Variants in PARD3B observed in about 807,000 individuals in gnomAD.
The protein encoded by PARD3B is partitioning defective 3 homolog B.
In PARD3B, 103 loss-of-function variants were observed where a neutral mutation model predicts 130.2. That is an observed-to-expected ratio of 0.79 (90% CI 0.67 to 0.93). PARD3B has a LOEUF of 0.93. PARD3B is among the 40% of genes least tolerant of loss of function. The probability of loss-of-function intolerance (pLI) is 0.00; values close to 1 mark genes in which losing one functional copy is unlikely to be tolerated. For synonymous variants in PARD3B, 583 were observed against 553.2 expected (o/e 1.05, Z -0.76); for missense variants, 1,609 against 1,499.2 (o/e 1.07, Z -1.21).
At chr2:204,622,663 T>A (rs2034347222) in intron 1 of PARD3B, among the ~76,000 whole-genome samples, 1 of 152,084 alleles carries the variant, frequency 6.6e-6, no homozygotes, top group Non-Finnish European at 1.5e-5. Context: ...ATTGCTATTA[T>A]TATTTTTATG....
At chr2:205,523,681 TATATTTTTAAA>T (rs2051196868) in intron 21 of PARD3B, among the ~76,000 whole-genome samples, 1 of 152,086 alleles carries the variant, frequency 6.6e-6, no homozygotes, top group Non-Finnish European at 1.5e-5. Flanking sequence ...AAAGAAGGTG[TATATTTTTAAA>T]ATATTTTTAA....
In PARD3B at chr2:205,604,047, G is replaced by A. The variant is rs552426706; in HGVS notation, c.3261-11409G>A. 2.0e-5 allele frequency among the ~76,000 whole-genome samples: 3 copies of A among 152,266 alleles called. No individual in the cohort carries two copies. In the East Asian group the frequency reaches 5.8e-4, roughly 29 times the overall value. ...GCTCTTGCAAGGCAGGCTTGCTGGT[G>A]ACAAATTCCCTCAGCATTTGCTTGT... is the stretch of plus-strand genomic sequence containing the variant. On this transcript the variant is annotated intron_variant, in intron 22 of 22. Transcript: ENST00000406610.
chr2:205,525,049 G>A lies in PARD3B; in HGVS notation c.3180+25018G>A, dbSNP rs2051274781. On this transcript the variant is annotated intron_variant, in intron 21 of 22. Transcript: ENST00000406610. The surrounding 1 kb of genome is among the most constrained non-coding windows in gnomAD (Gnocchi z 4.2). ...CCAGAATAAGAGATTTCTTAGTGAT[G>A]AACCATGGCAAGAACCAGGACAGTT... Among the ~76,000 whole-genome samples the A allele has an allele frequency of 6.6e-6, 1 of 152,182 alleles. No individual in the cohort carries two copies. The highest frequency in any genetic ancestry group is 2.4e-5 in the African/African-American group (1 of 41,456).
chr2:204,820,415 T>C (rs1287598933), intron 2 of PARD3B, among the ~76,000 whole-genome samples: 1 of 151,770 alleles, frequency 6.6e-6, no homozygotes, highest in Non-Finnish European at 1.5e-5. Context: ...CAGCTCTCTA[T>C]TGGAGGAAGA....
rs577423868 is a variant in PARD3B at position 204,787,289 on chromosome 2, C to T, written c.222+101007C>T. 9.2e-5 allele frequency among the ~76,000 whole-genome samples: 14 copies of T among 152,142 alleles called. 1 individual carries two copies. The highest frequency in any genetic ancestry group is 3.4e-3 in the Middle Eastern group (1 of 294). ...TATTCTGTTTCATGGTTTATCCTAC[C>T]CCTCACCTGTTAGAGACCCCTCAAC... On this transcript the variant is annotated intron_variant, in intron 2 of 22. Coordinates refer to ENST00000406610, the MANE Select transcript of PARD3B (RefSeq NM_001302769.2).
chr2:204,572,759 A>G (rs1016785585), intron 1 of PARD3B, among the ~76,000 whole-genome samples: 3 of 152,220 alleles, frequency 2.0e-5, no homozygotes, highest in Admixed American at 6.5e-5. Context: ...TCATTTATGT[A>G]GCCAGCATTC....
intron 7 of PARD3B, among the ~76,000 whole-genome samples, chr2:205,120,489 T>G (rs957733947): frequency 6.6e-6 from 1 of 152,102 alleles, no homozygotes; most frequent in African/African-American, 2.4e-5. Flanking sequence ...GGGATTATGA[T>G]TAGTTATTAT....
At chr2:204,847,170 C>CTTTTTTTTTTTTTTTTTTTTTTTTTTT (rs528059401) in intron 2 of PARD3B, among the ~76,000 whole-genome samples, 1 of 135,670 alleles carries the variant, frequency 7.4e-6, no homozygotes, top group African/African-American at 2.9e-5. Flanking sequence ...AACTTTCTTT[C>CTTTTTTTTTTTTTTTTTTTTTTTTTTT]TTTTTTTTTT....
At chr2:205,479,632 G>A (rs1559132816) in intron 20 of PARD3B, among the ~76,000 whole-genome samples, 1 of 152,190 alleles carries the variant, frequency 6.6e-6, no homozygotes, top group African/African-American at 2.4e-5. Context: ...ACCTAGGCCA[G>A]TCTACCATCA....
In PARD3B at chr2:205,263,542, G is replaced by A. The variant is rs2040396431; in HGVS notation, c.2185+17720G>A. On this transcript the variant is annotated intron_variant, in intron 16 of 22. Transcript: ENST00000406610. The surrounding 1 kb of genome is among the most constrained non-coding windows in gnomAD (Gnocchi z 4.0). ...AAAAAGAAAAGAAAAAATAACCTCCGTCTATACCTTACACCATATAAGAAG... is the reference window on the plus strand; with the variant it reads ...AAAAAGAAAAGAAAAAATAACCTCCATCTATACCTTACACCATATAAGAAG... Among the ~76,000 whole-genome samples, 1 of 150,836 alleles carries A rather than the reference G, an allele frequency of 6.6e-6. No homozygotes were observed. The highest frequency in any genetic ancestry group is 1.5e-5 in the Non-Finnish European group (1 of 67,594).
chr2:205,277,181 T>G (rs1423928603), intron 16 of PARD3B, among the ~76,000 whole-genome samples: 2 of 152,230 alleles, frequency 1.3e-5, no homozygotes, highest in Admixed American at 1.3e-4. Context: ...TGACCGTGAC[T>G]TCATCACTGC....
intron 4 of PARD3B, among the ~76,000 whole-genome samples, chr2:205,074,953 A>G (rs1216800605): frequency 1.3e-5 from 2 of 152,240 alleles, no homozygotes; most frequent in Admixed American, 1.3e-4. Context: ...TTTCCAAATT[A>G]TAATTGTTAA....
At chr2:204,708,187 T>A (rs2038269691) in intron 2 of PARD3B, among the ~76,000 whole-genome samples, 1 of 152,168 alleles carries the variant, frequency 6.6e-6, no homozygotes, top group African/African-American at 2.4e-5. Context: ...TTTTTAATTT[T>A]TTTGTAGAGA....
intron 4 of PARD3B, among the ~76,000 whole-genome samples, chr2:205,054,438 T>TTATATATATATA: frequency 2.5e-5 from 1 of 40,128 alleles, no homozygotes; most frequent in African/African-American, 1.1e-4. Context: ...ATATATATAT[T>TTATATATATATA]TTTTTTTTTT....
At chr2:204,792,328 C>T (rs1228081348) in intron 2 of PARD3B, among the ~76,000 whole-genome samples, 1 of 151,998 alleles carries the variant, frequency 6.6e-6, no homozygotes, top group Non-Finnish European at 1.5e-5. Context: ...AAATATTATC[C>T]CTTTGAACCT....
At chr2:204,973,519 T>A (rs2125183966) in intron 3 of PARD3B, among the ~76,000 whole-genome samples, 1 of 151,588 alleles carries the variant, frequency 6.6e-6, no homozygotes, top group East Asian at 1.9e-4. Flanking sequence ...TTTTTTTCTC[T>A]CTGAGTGTGT....
chr2:205,546,402 C>T (rs1344997664), intron 21 of PARD3B, among the ~76,000 whole-genome samples: 3 of 150,672 alleles, frequency 2.0e-5, no homozygotes, highest in Non-Finnish European at 3.0e-5. Context: ...TAGGTCACTA[C>T]ATTAAAAAGA....
In PARD3B at chr2:205,397,965, AAGTCTTGAATGTATC is replaced by A. The variant is rs1295513155; in HGVS notation, c.2631-3045_2631-3031del. On this transcript the variant is annotated intron_variant, in intron 18 of 22. Coordinates refer to ENST00000406610, the MANE Select transcript of PARD3B (RefSeq NM_001302769.2). The surrounding 1 kb of genome is among the most constrained non-coding windows in gnomAD (Gnocchi z 4.8). Reference sequence around the variant, plus strand: ...ATCTCCTGCTTTGTAGGTTAAGGAGAAGTCTTGAATGTATCAGGCAAATCTGAATTATATTTGAAA... The same window carrying A: ...ATCTCCTGCTTTGTAGGTTAAGGAGAAGGCAAATCTGAATTATATTTGAAA... Among the ~76,000 whole-genome samples the A allele has an allele frequency of 2.0e-5, 3 of 152,172 alleles. No individual in the cohort carries two copies. The highest frequency in any genetic ancestry group is 7.2e-5 in the African/African-American group (3 of 41,522).
chr2:204,859,545 C>T (rs2045100494), intron 2 of PARD3B, among the ~76,000 whole-genome samples: 4 of 152,178 alleles, frequency 2.6e-5, no homozygotes, highest in Admixed American at 2.6e-4. Flanking sequence ...TGTACATTTT[C>T]TGACATTTGG....
Sources: gnomAD v4.1 joint callset for allele counts (sites outside exome capture counted in the v4.1 genomes callset) on GRCh38, gnomAD v4.1.1 for gene constraint, Gnocchi (gnomAD v3.1) non-coding constraint, MANE v1.5 for transcripts, NCBI Gene and HGNC (gene_info 2026-07-23, HGNC 2026-07-21) for gene names.